Variants in KDM3B observed in about 807,000 individuals in gnomAD.
The protein encoded by KDM3B is lysine demethylase 3B.
A neutral mutation model predicts 170.0 loss-of-function variants in KDM3B; 10 were observed. The observed-to-expected ratio is 0.06, with a 90% CI of 0.04 to 0.10. KDM3B has a LOEUF of 0.10. KDM3B is among the 10% of genes least tolerant of loss of function. KDM3B has a pLI of 1.00. For synonymous variants in KDM3B, 831 were observed against 834.8 expected, an observed-to-expected ratio of 1.00 and a Z score of 0.08; for missense variants, 1,394 against 2,195.2, an observed-to-expected ratio of 0.64 and a Z score of 7.29.
At chr5:138,420,675 C>G in intron 14 of KDM3B, 31 bp from the exon 15 acceptor site, 2 of 1,611,324 alleles carry the variant, frequency 1.2e-6, no homozygotes, top group Non-Finnish European at 1.7e-6. Flanking sequence ...CCTTTTTGTA[C>G]CTAATGCTGT....
chr5:138,432,282 G>A (rs1763554485), intron 23 of KDM3B, among the ~76,000 whole-genome samples: 1 of 152,212 alleles, frequency 6.6e-6, no homozygotes, highest in Non-Finnish European at 1.5e-5. Context: ...AGGGATTACA[G>A]TTCATGTCCC....
chr5:138,407,155 T>G (rs1580929703), intron 11 of KDM3B, among the ~76,000 whole-genome samples: 2 of 151,994 alleles, frequency 1.3e-5, no homozygotes, highest in East Asian at 3.9e-4. Context: ...CTAGCTAATT[T>G]CTGTATTTTT....
At chr5:138,430,456 A>G (rs959901525) in intron 22 of KDM3B, 31 bp downstream of exon 22, 1 of 1,595,136 alleles carries the variant, frequency 6.3e-7, no homozygotes, top group Non-Finnish European at 8.6e-7. Context: ...TGGGCTGAAC[A>G]GTTCCATGGG....
intron 21 of KDM3B, 123 bp downstream of exon 21, chr5:138,430,088 C>T (rs781228688): frequency 3.0e-5 from 42 of 1,409,720 alleles, no homozygotes; most frequent in Non-Finnish European, 3.9e-5. Context: ...CATGATACCT[C>T]TGGTGGAAAA....
intron 16 of KDM3B, among the ~76,000 whole-genome samples, chr5:138,424,981 G>A (rs568526394): frequency 6.6e-5 from 10 of 152,260 alleles, no homozygotes; most frequent in Non-Finnish European, 1.2e-4. Flanking sequence ...TTGGAGGTAG[G>A]TAGTACTTTT....
Position 138,362,571 on chromosome 5 carries a change from CACACACACACACACAA to C in KDM3B, c.192+9586_192+9601del, listed in dbSNP as rs1283692718. 7.8e-5 allele frequency among the ~76,000 whole-genome samples: 10 copies of C among 128,924 alleles called. No homozygotes were observed. The South Asian group carries it at 1.2e-3, about 16-fold the overall frequency. The allele number at this position is 128,924 out of a possible 152,430, so 84.6% of individuals were successfully genotyped here. ...GTGTATACACACACACACACACACA[CACACACACACACACAA>C]AATATCTTAAGTGAATAGTGTACGT... On this transcript the variant is annotated intron_variant, in intron 1 of 23. Transcript: ENST00000314358.
intron 14 of KDM3B, among the ~76,000 whole-genome samples, chr5:138,419,672 T>A (rs28647518): frequency 0.12 from 12,615 of 109,514 alleles, 1,548 homozygotes; most frequent in South Asian, 0.26. Flanking sequence ...AAAAAAAATA[T>A]ATATATATAT....
chr5:138,416,588 C>CAAAAAAAAAAA (rs545925296), intron 12 of KDM3B, among the ~76,000 whole-genome samples: 1 of 84,212 alleles, frequency 1.2e-5, no homozygotes, highest in African/African-American at 4.7e-5. Flanking sequence ...GACTCTGTCT[C>CAAAAAAAAAAA]AAAAAAAAAA....
chr5:138,427,883 T>G, intron 19 of KDM3B, 84 bp from the exon 20 acceptor site: 1 of 1,318,202 alleles, frequency 7.6e-7, no homozygotes, highest in Non-Finnish European at 1.1e-6. Context: ...AACAACACCC[T>G]TGAGCATGTT....
chr5:138,361,880 G>A (rs955245079), intron 1 of KDM3B, among the ~76,000 whole-genome samples: 19 of 152,150 alleles, frequency 1.2e-4, no homozygotes, highest in Admixed American at 1.1e-3. Flanking sequence ...ATAGATATGT[G>A]TAGCAAGATG....
chr5:138,403,219 A>C (rs1279095698), intron 11 of KDM3B, among the ~76,000 whole-genome samples: 2 of 152,226 alleles, frequency 1.3e-5, no homozygotes, highest in African/African-American at 4.8e-5. Flanking sequence ...AGGAATATTT[A>C]AAGGAGCACC....
At position 138,420,835 on chromosome 5, in the gene KDM3B, C is replaced by G; in HGVS notation, c.3845C>G (p.Thr1282Ser). ...TTTAACAGTCTGTTGCTGGGTCCCA[C>G]TGCCTCCAACAACAAAACCGAAGGG... is the stretch of plus-strand genomic sequence containing the variant. ...KLFNSLLLGP[T>S]ASNNKTEGSS... Residue 1282 changes from threonine (T) to serine (S), a missense_variant, in exon 15 of 24, where the codon ACT (threonine) becomes AGT (serine). Thr to Ser is a moderately conservative substitution (Grantham distance 58, BLOSUM62 1). Coordinates refer to ENST00000314358, the MANE Select transcript of KDM3B (RefSeq NM_016604.4). 1 of 1,614,178 alleles carries G rather than the reference C, an allele frequency of 6.2e-7. No individual in the cohort carries two copies. Among genetic ancestry groups the G allele is most frequent in the Admixed American group, 1.7e-5 (1 of 60,010 alleles).
In KDM3B at chr5:138,435,649, A is replaced by G. The variant is rs767891681; in HGVS notation, c.5235A>G (p.Lys1745=). The G allele has an allele frequency of 8.7e-6, 14 of 1,614,004 alleles. No homozygotes were observed. Among genetic ancestry groups the G allele is most frequent in the Admixed American group, 5.0e-5 (3 of 59,998 alleles). Residue 1745 remains lysine (K), a synonymous_variant, in exon 24 of 24, where the codon AAA becomes AAG. Coordinates refer to ENST00000314358, the MANE Select transcript of KDM3B (RefSeq NM_016604.4). ...QVKNIIYHAV[K]DAVGTLKAHE... is the part of the protein sequence containing the mutation. Reference sequence around the variant, plus strand: ...AGAACATCATTTACCATGCAGTGAAAGATGCGGTTGGCACCCTCAAGGCTC... The same window carrying G: ...AGAACATCATTTACCATGCAGTGAAGGATGCGGTTGGCACCCTCAAGGCTC...
chr5:138,386,285 C>T lies in KDM3B; in HGVS notation c.1044C>T (p.Pro348=). The T allele has an allele frequency of 2.5e-6, 4 of 1,614,160 alleles. No individual in the cohort carries two copies. Among genetic ancestry groups the T allele is most frequent in the Non-Finnish European group, 3.4e-6 (4 of 1,180,048 alleles). The change falls in exon 7 of 24, where the codon CCC becomes CCT. Residue 348 remains proline, a synonymous_variant. Coordinates refer to ENST00000314358, the MANE Select transcript of KDM3B (RefSeq NM_016604.4). ...AGCAGCCACCGTCTACATTTGTCCC[C>T]CAGATAAACCGCAACATTCGCTTTG... ...RAKQPPSTFV[P]QINRNIRFAT...
intron 14 of KDM3B, among the ~76,000 whole-genome samples, chr5:138,419,750 C>T (rs1214291595): frequency 1.3e-5 from 2 of 148,534 alleles, no homozygotes; most frequent in African/African-American, 5.0e-5. Context: ...CACACACACA[C>T]ACACACACAC....
At chr5:138,383,629 T>A (rs1321926507) in intron 6 of KDM3B, among the ~76,000 whole-genome samples, 1 of 152,160 alleles carries the variant, frequency 6.6e-6, no homozygotes, top group Non-Finnish European at 1.5e-5. Context: ...AGAACAGAGT[T>A]CACTGATTGT....
intron 11 of KDM3B, among the ~76,000 whole-genome samples, chr5:138,411,848 C>T (rs1243945324): frequency 8.7e-5 from 13 of 150,158 alleles, no homozygotes; most frequent in Non-Finnish European, 1.9e-4. Context: ...TACATGTGCC[C>T]GCCACCACCC....
rs902679271 is a variant in KDM3B, at chr5:138,357,783, G to A, written c.192+4796G>A. 1.3e-4 allele frequency among the ~76,000 whole-genome samples: 19 copies of A among 151,874 alleles called. 1 individual carries two copies. In the East Asian group the frequency reaches 3.7e-3, roughly 29 times the overall value. ...TGCCCAGGCTGGAGTGCAGTGGCGC[G>A]ATATTGGCTCACTGCAACCTCTGCT... On this transcript the variant is annotated intron_variant, in intron 1 of 23. Transcript: ENST00000314358.
intron 7 of KDM3B, among the ~76,000 whole-genome samples, chr5:138,388,579 C>T (rs1356763861): frequency 1.3e-5 from 2 of 149,970 alleles, no homozygotes; most frequent in Non-Finnish European, 2.9e-5. Context: ...TTGCAGTGAG[C>T]CAAGAGAGCC....
Sources: allele counts gnomAD v4.1 joint callset (sites outside exome capture counted in the v4.1 genomes callset), GRCh38; gene constraint gnomAD v4.1.1; transcripts MANE v1.5; gene names NCBI Gene and HGNC (gene_info 2026-07-23, HGNC 2026-07-21).